Variants in REPS2 observed in about 807,000 individuals in gnomAD.
REPS2 encodes ralBP1-associated Eps domain-containing protein 2.
In REPS2, 23 loss-of-function variants were observed where a neutral mutation model predicts 53.6. That is an observed-to-expected ratio of 0.43 (90% CI 0.31 to 0.61). REPS2 has a LOEUF of 0.61. REPS2 is among the 20% of genes least tolerant of loss of function. The pLI, the probability that REPS2 is intolerant of heterozygous loss-of-function variation, is 0.11. For synonymous variants in REPS2, 238 were observed against 218.6 expected (o/e 1.09, Z -0.78); for missense variants, 446 against 534.9 (o/e 0.83, Z 1.64).
At chrX:17,054,179 T>C (rs1358566007) in intron 7 of REPS2, among the ~76,000 whole-genome samples, 1 of 112,513 alleles carries the variant, frequency 8.9e-6, no homozygotes, top group Non-Finnish European at 1.9e-5. Context: ...TTTTGTCTTA[T>C]CTGGTTCCAG....
At chrX:16,975,122 G>A (rs2060940574) in intron 1 of REPS2, among the ~76,000 whole-genome samples, 1 of 111,870 alleles carries the variant, frequency 8.9e-6, no homozygotes, top group Non-Finnish European at 1.9e-5. Context: ...ATCATTGATG[G>A]GCATTTAGGT....
chrX:17,183,778 C>A, the REPS2 span, among the ~76,000 whole-genome samples: 6 of 112,161 alleles, frequency 5.3e-5, no homozygotes, highest in South Asian at 7.4e-4. Flanking sequence ...TCTTACTGAA[C>A]TTTGCTCACC....
chrX:16,980,318 T>C (rs113085585), intron 1 of REPS2, among the ~76,000 whole-genome samples: 5 of 108,952 alleles, frequency 4.6e-5, no homozygotes, highest in African/African-American at 1.3e-4. Flanking sequence ...TTTTAAATTT[T>C]TTTTAGATGG....
intron 13 of REPS2, among the ~76,000 whole-genome samples, chrX:17,078,070 C>T (rs940270808): frequency 5.3e-5 from 6 of 112,195 alleles, no homozygotes; most frequent in Non-Finnish European, 1.1e-4. Flanking sequence ...TAGAAGATAC[C>T]CTCCTAAGGA....
intron 7 of REPS2, among the ~76,000 whole-genome samples, chrX:17,053,870 G>A (rs765079541): frequency 2.7e-5 from 3 of 111,609 alleles, no homozygotes; most frequent in East Asian, 2.8e-4. Context: ...CAGTGCATTC[G>A]AAATTGGAGG....
chrX:16,964,601 T>G (rs1225908759), intron 1 of REPS2, among the ~76,000 whole-genome samples: 13 of 97,809 alleles, frequency 1.3e-4, no homozygotes, highest in Admixed American at 3.2e-4. Flanking sequence ...TCCCAGTAGG[T>G]GCCGCCGGGC....
rs151145828 is a variant in REPS2, at chrX:17,022,182, C to G, written c.457C>G (p.Pro153Ala). The change falls in exon 3 of 18, where the codon CCA becomes GCA. Residue 153 changes from proline (P) to alanine (A), a missense_variant. Physicochemically the swap from Pro to Ala is conservative, Grantham distance 27 (BLOSUM62 -1). Coordinates refer to ENST00000357277, the MANE Select transcript of REPS2 (RefSeq NM_004726.3). ...KNDGEIRFGN[P>A]AELHGTKVQI... Reference sequence around the variant, plus strand: ...TGATGGTGAGATACGATTTGGGAACCCAGCTGAGCTGCATGGAACTAAGGT... The same window carrying G: ...TGATGGTGAGATACGATTTGGGAACGCAGCTGAGCTGCATGGAACTAAGGT... 13 of 1,206,604 alleles carry G rather than the reference C, an allele frequency of 1.1e-5. No homozygotes were observed. The highest frequency in any genetic ancestry group is 1.3e-5 in the Non-Finnish European group (12 of 892,422).
intron 12 of REPS2, among the ~76,000 whole-genome samples, chrX:17,076,591 A>G (rs1483782549): frequency 8.9e-6 from 1 of 112,415 alleles, no homozygotes; most frequent in Non-Finnish European, 1.9e-5. Context: ...GTAACTTTCT[A>G]TCTGACCTTT....
In REPS2 at chrX:17,147,556, A is replaced by G. The variant is rs2063529474; in HGVS notation, c.*75A>G. 8 of 826,416 alleles carry G rather than the reference A, an allele frequency of 9.7e-6. No individual in the cohort carries two copies. The highest frequency in any genetic ancestry group is 4.0e-5 in the African/African-American group (2 of 49,610). 68.1% of individuals were successfully genotyped at this position (826,416 alleles called of 1,213,427 possible). A position where few individuals can be genotyped will look rare whatever the true frequency, so the allele number is the denominator to read the frequency against. On this transcript the variant is annotated 3_prime_UTR_variant, in exon 18 of 18. Coordinates refer to ENST00000357277, the MANE Select transcript of REPS2 (RefSeq NM_004726.3). ...TCTTTTGAATGTTTTGAACCCAACT[A>G]CTTGTCATAGATGTTTGACTGTGTC...
At chrX:17,011,392 C>G (rs970689649) in intron 2 of REPS2, among the ~76,000 whole-genome samples, 3 of 111,076 alleles carry the variant, frequency 2.7e-5, no homozygotes, top group Non-Finnish European at 5.7e-5. Flanking sequence ...CCTGCTGTTA[C>G]CTTTCTTTCC....
chrX:16,966,894 GT>G (rs1457346105), intron 1 of REPS2, among the ~76,000 whole-genome samples: 4 of 112,403 alleles, frequency 3.6e-5, no homozygotes, highest in African/African-American at 1.3e-4. Context: ...ATTCTTGACA[GT>G]TTTTGTGACT....
chrX:16,997,150 A>G (rs895575922), intron 1 of REPS2, among the ~76,000 whole-genome samples: 2 of 112,234 alleles, frequency 1.8e-5, no homozygotes, highest in Non-Finnish European at 3.8e-5. Context: ...AAATTCTGTG[A>G]TATGCAGAGC....
chrX:17,175,794 T>C, the REPS2 span, among the ~76,000 whole-genome samples: 1 of 112,367 alleles, frequency 8.9e-6, no homozygotes, highest in Non-Finnish European at 1.9e-5. Flanking sequence ...CATGCAGAGA[T>C]CCAGGTCCCT....
At chrX:17,154,962 AGAG>A (rs2063600673), downstream of REPS2, among the ~76,000 whole-genome samples, 1 of 112,008 alleles carries the variant, frequency 8.9e-6, no homozygotes, top group Non-Finnish European at 1.9e-5. Context: ...ACTAGGAAGA[AGAG>A]GATATTCCAG....
chrX:17,192,292 T>C, the REPS2 span, among the ~76,000 whole-genome samples: 1 of 112,462 alleles, frequency 8.9e-6, no homozygotes, highest in South Asian at 3.7e-4. Context: ...CAAGTAATTA[T>C]TTCATCTCCG....
chrX:17,167,820 A>T, the REPS2 span, among the ~76,000 whole-genome samples: 6 of 109,789 alleles, frequency 5.5e-5, no homozygotes, highest in Non-Finnish European at 1.1e-4. Flanking sequence ...CTTCTATCCA[A>T]TGTGGCTGCT....
chrX:17,010,614 G>T (rs1476955281), intron 2 of REPS2, among the ~76,000 whole-genome samples: 1 of 111,632 alleles, frequency 9.0e-6, no homozygotes, highest in Admixed American at 9.5e-5. Context: ...TTGTGTAAGG[G>T]GGAGGGAAGA....
the REPS2 span, among the ~76,000 whole-genome samples, chrX:17,178,226 T>C: frequency 2.7e-5 from 3 of 111,970 alleles, no homozygotes; most frequent in African/African-American, 9.8e-5. Flanking sequence ...GGCCTCACTT[T>C]GCACAGTAAC....
chrX:17,137,420 C>A (rs1200262444), intron 16 of REPS2: 4 of 111,562 alleles, frequency 3.6e-5, no homozygotes, highest in Non-Finnish European at 7.5e-5. Context: ...ATTTGTTTAT[C>A]TTCTTTGGAG....
Sources: allele counts gnomAD v4.1 joint callset (sites outside exome capture counted in the v4.1 genomes callset), GRCh38; gene constraint gnomAD v4.1.1; transcripts MANE v1.5; gene names NCBI Gene and HGNC (gene_info 2026-07-23, HGNC 2026-07-21).